NOS1: variants seen among roughly 807,000 people sequenced by gnomAD.
NOS1 encodes the protein NOS type I.
In NOS1, 51 loss-of-function variants were observed where a neutral mutation model predicts 164.5. That is an observed-to-expected ratio of 0.31 (90% CI 0.25 to 0.39). The LOEUF is 0.39. NOS1 is among the 10% of genes least tolerant of loss of function. The probability of loss-of-function intolerance (pLI) is 1.00; values close to 1 mark genes in which losing one functional copy is unlikely to be tolerated. For missense variants in NOS1, 1,362 were observed against 1,885.6 expected (o/e 0.72, Z 5.14); for synonymous variants, 719 against 745.8 (o/e 0.96, Z 0.59).
At chr12:117,219,053 A>G (rs1956657382) in intron 27 of NOS1, among the ~76,000 whole-genome samples, 1 of 147,724 alleles carries the variant, frequency 6.8e-6, no homozygotes, top group Admixed American at 6.9e-5. Context: ...ATCTCGGCTC[A>G]CTGCAACCTC....
chr12:117,310,312 T>A (rs1874367458), intron 3 of NOS1, among the ~76,000 whole-genome samples: 1 of 152,174 alleles, frequency 6.6e-6, no homozygotes, highest in Non-Finnish European at 1.5e-5. Flanking sequence ...CAGTGGCTCA[T>A]TATGAAGGAC....
rs1163706896 is a variant in NOS1 at position 117,278,110 on chromosome 12, C to T, written c.1525-12G>A. 3.1e-6 allele frequency: 5 copies of T among 1,607,084 alleles called. No homozygotes were observed. Among genetic ancestry groups the T allele is most frequent in the South Asian group, 2.2e-5 (2 of 90,492 alleles). On this transcript the variant is annotated splice_polypyrimidine_tract_variant and intron_variant, in intron 8 of 28. Coordinates refer to ENST00000317775, the MANE Select transcript of NOS1 (RefSeq NM_000620.5). ...TGCTGTATGCATATCTGCAAGCAGA[C>T]CCGGCCAGGTAATGCCACTGTACCC...
At chr12:117,227,106 A>C (rs1391775569) in intron 23 of NOS1, among the ~76,000 whole-genome samples, 1 of 152,128 alleles carries the variant, frequency 6.6e-6, no homozygotes, top group Non-Finnish European at 1.5e-5. Flanking sequence ...AGCTTGGGTT[A>C]TCTGACTTAC....
chr12:117,233,535 G>A (rs1247936138), intron 21 of NOS1, among the ~76,000 whole-genome samples: 1 of 151,630 alleles, frequency 6.6e-6, no homozygotes, highest in African/African-American at 2.4e-5. Flanking sequence ...AGCCGGGTGC[G>A]GTGGCTCATG....
chr12:117,245,551 T>C (rs1218226377), intron 18 of NOS1: 1 of 152,536 alleles, frequency 6.6e-6, no homozygotes, highest in Non-Finnish European at 1.5e-5. Flanking sequence ...TTTATTTTAT[T>C]TAACAATCTA....
intron 10 of NOS1, among the ~76,000 whole-genome samples, chr12:117,269,486 T>TTA (rs58655168): frequency 6.8e-6 from 1 of 147,512 alleles, no homozygotes; most frequent in Non-Finnish European, 1.5e-5. Flanking sequence ...TTTTTTTTTT[T>TTA]AGACAGAGTC....
intron 7 of NOS1, among the ~76,000 whole-genome samples, chr12:117,283,875 A>AAG (rs1873891026): frequency 6.6e-6 from 1 of 151,280 alleles, no homozygotes; most frequent in East Asian, 1.9e-4. Context: ...AAAAAAAAAA[A>AAG]AAAGGAAATC....
chr12:117,234,785 G>C lies in NOS1; in HGVS notation c.3042-27C>G. 1 of 1,587,180 alleles carries C rather than the reference G, an allele frequency of 6.3e-7. No homozygotes were observed. Reference sequence around the variant, plus strand: ...TGCAGGAAATTGCAGAGGAATCATAGGACAAGGGCCAGCAGCTACTTCCTC... The same window carrying C: ...TGCAGGAAATTGCAGAGGAATCATACGACAAGGGCCAGCAGCTACTTCCTC... On this transcript the variant is annotated intron_variant, in intron 20 of 28. Coordinates refer to ENST00000317775, the MANE Select transcript of NOS1 (RefSeq NM_000620.5). The surrounding 1 kb of genome is among the most constrained non-coding windows in gnomAD (Gnocchi z 4.3).
At position 117,211,524 on chromosome 12, in the gene NOS1, A is replaced by G; in HGVS notation, c.*3785T>C. ...GGACTCCCTGTTGCCTTCTGAATAAAGCCTAAATTTCTTGTAATGCCACTC... is the reference window on the plus strand; with the variant it reads ...GGACTCCCTGTTGCCTTCTGAATAAGGCCTAAATTTCTTGTAATGCCACTC... On this transcript the variant is annotated 3_prime_UTR_variant, in exon 29 of 29. Transcript: ENST00000317775. 1.0e-6 allele frequency: 1 copy of G among 985,160 alleles called. No homozygotes were observed. The allele number at this position is 985,160 out of a possible 1,614,324, so 61.0% of individuals were successfully genotyped here. A position where few individuals can be genotyped will look rare whatever the true frequency, so the allele number is the denominator to read the frequency against.
At chr12:117,320,185 T>C (rs1324386143) in intron 2 of NOS1, among the ~76,000 whole-genome samples, 3 of 152,204 alleles carry the variant, frequency 2.0e-5, no homozygotes, top group African/African-American at 7.2e-5. Context: ...TCCTAAACCC[T>C]TGAACCTGTA....
intron 2 of NOS1, among the ~76,000 whole-genome samples, chr12:117,319,736 C>T (rs1332192778): frequency 6.6e-6 from 1 of 152,158 alleles, no homozygotes; most frequent in African/African-American, 2.4e-5. Context: ...TGGTCCTCAA[C>T]CTTGTTTGCA....
intron 3 of NOS1, among the ~76,000 whole-genome samples, chr12:117,306,623 C>G (rs1225758479): frequency 1.4e-5 from 2 of 148,110 alleles, no homozygotes; most frequent in African/African-American, 4.9e-5. Flanking sequence ...CACAACCACT[C>G]CTTTTTTTTT....
intron 5 of NOS1, among the ~76,000 whole-genome samples, chr12:117,286,813 A>G (rs1433516901): frequency 1.3e-5 from 2 of 152,224 alleles, no homozygotes; most frequent in Non-Finnish European, 2.9e-5. Context: ...AGTGACTGCT[A>G]TCTTGAACCT....
chr12:117,272,520 G>T lies in NOS1; in HGVS notation c.1704C>A (p.Gly568=). 3 of 1,614,172 alleles carry T rather than the reference G, an allele frequency of 1.9e-6. No homozygotes were observed. The highest frequency in any genetic ancestry group is 2.5e-6 in the Non-Finnish European group (3 of 1,180,026). ...GGAGCATGTTGGACACGGCGGGGAGGCCGTACCACTTCAGCCCCAGGTCCT... is the reference window on the plus strand; with the variant it reads ...GGAGCATGTTGGACACGGCGGGGAGTCCGTACCACTTCAGCCCCAGGTCCT... The part of the protein sequence containing the change: ...WFKDLGLKWY[G]LPAVSNMLLE... Residue 568 remains glycine (G), a synonymous_variant, in exon 10 of 29, where the codon GGC becomes GGA. Coordinates refer to ENST00000317775, the MANE Select transcript of NOS1 (RefSeq NM_000620.5). The surrounding 1 kb of genome is among the most constrained non-coding windows in gnomAD (Gnocchi z 4.3).
intron 11 of NOS1, among the ~76,000 whole-genome samples, chr12:117,267,623 C>T (rs1166008161): frequency 6.6e-6 from 1 of 151,184 alleles, no homozygotes; most frequent in Non-Finnish European, 1.5e-5. Context: ...TTAGTTGATA[C>T]ATTTTCCAGC....
chr12:117,271,838 G>T (rs989470214), intron 10 of NOS1, among the ~76,000 whole-genome samples: 1 of 152,174 alleles, frequency 6.6e-6, no homozygotes, highest in Non-Finnish European at 1.5e-5. Flanking sequence ...ACTCAGCCCG[G>T]GAGGGAATCA....
At chr12:117,248,804 G>C (rs1458873677) in intron 17 of NOS1, among the ~76,000 whole-genome samples, 8 of 151,494 alleles carry the variant, frequency 5.3e-5, no homozygotes, top group Non-Finnish European at 1.2e-4. Context: ...CTAGTTTACA[G>C]TCCCACCAAC....
At position 117,296,855 on chromosome 12, in the gene NOS1, G is replaced by A. The variant is rs147316991; in HGVS notation, c.853-6429C>T. On this transcript the variant is annotated intron_variant, in intron 3 of 28. Coordinates refer to ENST00000317775, the MANE Select transcript of NOS1 (RefSeq NM_000620.5). ...GGCCTTATATGAAAAGGAAGAGAGA[G>A]CTCTTTCTCTTTGTCTGCCATGTGA... Among the ~76,000 whole-genome samples, 119 of 152,268 alleles carry A rather than the reference G, an allele frequency of 7.8e-4. No homozygotes were observed. In the Middle Eastern group the frequency reaches 0.01, roughly 13 times the overall value.
Position 117,208,549 on chromosome 12 carries a change from C to T in NOS1, c.*6760G>A. The T allele has an allele frequency of 8.3e-7, 1 of 1,209,808 alleles. No homozygotes were observed. Among genetic ancestry groups the T allele is most frequent in the Non-Finnish European group, 1.1e-6 (1 of 947,808 alleles). The allele number at this position is 1,209,808 out of a possible 1,614,324, so 74.9% of individuals were successfully genotyped here. A position where few individuals can be genotyped will look rare whatever the true frequency, so the allele number is the denominator to read the frequency against. On this transcript the variant is annotated 3_prime_UTR_variant, in exon 29 of 29. Transcript: ENST00000317775. Reference sequence around the variant, plus strand: ...CCACTGCTGAGCCAGGAGTGTGAGTCTTAACAATCACAACGAGAACACAAC... The same window carrying T: ...CCACTGCTGAGCCAGGAGTGTGAGTTTTAACAATCACAACGAGAACACAAC...
Sources: gnomAD v4.1 joint callset for allele counts (sites outside exome capture counted in the v4.1 genomes callset) on GRCh38, gnomAD v4.1.1 for gene constraint, Gnocchi (gnomAD v3.1) non-coding constraint, MANE v1.5 for transcripts, NCBI Gene and HGNC (gene_info 2026-07-23, HGNC 2026-07-21) for gene names.